The following BIRC6 variants were observed in gnomAD, a reference collection of about 807,000 sequenced individuals.
BIRC6 encodes dual E2 ubiquitin-conjugating enzyme/E3 ubiquitin-protein ligase BIRC6.
BIRC6 carries 98 observed loss-of-function variants against 503.3 expected under a neutral mutation model. The observed-to-expected ratio is 0.19, with a 90% confidence interval of 0.17 to 0.23. BIRC6 has a LOEUF of 0.23. Ranked by LOEUF, BIRC6 falls within the 10% of genes least tolerant of loss-of-function variation. The probability of loss-of-function intolerance (pLI) is 1.00; values close to 1 mark genes in which losing one functional copy is unlikely to be tolerated. For synonymous variants in BIRC6, 2,240 were observed against 2,078.7 expected (o/e 1.08, Z -2.11); for missense variants, 5,360 against 5,806.0 (o/e 0.92, Z 2.50).
chr2:32,485,257 T>C (rs2050867454), intron 39 of BIRC6, among the ~76,000 whole-genome samples: 1 of 152,218 alleles, frequency 6.6e-6, no homozygotes, highest in Admixed American at 6.5e-5. Context: ...GTCTATCTAT[T>C]CTGAATATGA....
chr2:32,508,158 T>C lies in BIRC6; in HGVS notation c.9879T>C (p.Leu3293=), dbSNP rs761537595. The C allele has an allele frequency of 1.2e-6, 2 of 1,613,728 alleles. No homozygotes were observed. The highest frequency in any genetic ancestry group is 1.7e-5 in the Admixed American group (1 of 59,976). ...CACGGGATGCCAGCACATTAGGCCT[T>C]TCACAAATTAAATTATTGGGGCTCA... ...HRPRDASTLG[L]SQIKLLGLTA... is the part of the protein sequence containing the mutation. The change falls in exon 51 of 74, where the codon CTT becomes CTC. Residue 3293 remains leucine, a synonymous_variant. Transcript: ENST00000421745.
rs746766006 is a variant in BIRC6 at position 32,482,548 on chromosome 2, C to G, written c.7662C>G (p.Asn2554Lys). The part of the protein sequence containing the change: ...VAKPPANTEK[N>K]GSQTVSVSVS... Reference sequence around the variant, plus strand: ...AGCCACCAGCAAACACGGAGAAGAACGGATCACAGACAGTTAGCGTTTCAG... The same window carrying G: ...AGCCACCAGCAAACACGGAGAAGAAGGGATCACAGACAGTTAGCGTTTCAG... The change falls in exon 39 of 74, where the codon AAC becomes AAG. Residue 2554 changes from asparagine (N) to lysine (K), a missense_variant. By Grantham distance (94) the Asn-to-Lys change is moderately conservative. Around this residue, in one of 16 missense-constraint regions of BIRC6, gnomAD observed 2,299 missense variants for 2,267.2 expected, o/e 1.01. Transcript: ENST00000421745. The G allele has an allele frequency of 6.2e-7, 1 of 1,613,894 alleles. No individual in the cohort carries two copies. Among genetic ancestry groups the G allele is most frequent in the Non-Finnish European group, 8.5e-7 (1 of 1,179,836 alleles).
rs1007476077 is a variant in BIRC6 at position 32,547,894 on chromosome 2, A to G, written c.12855A>G (p.Gln4285=). ...ATAACCCTACATCAACAGAAGAACA[A>G]CAGTTATATTGGGCCAAAGGGACTG... ...SSHNPTSTEE[Q]QLYWAKGTGF... The change falls in exon 64 of 74, where the codon CAA becomes CAG. Residue 4285 remains glutamine (Q), a synonymous_variant. Transcript: ENST00000421745. 1 of 1,611,542 alleles carries G rather than the reference A, an allele frequency of 6.2e-7. No individual in the cohort carries two copies. Among genetic ancestry groups the G allele is most frequent in the Non-Finnish European group, 8.5e-7 (1 of 1,179,100 alleles).
At chr2:32,458,137 C>T (rs113917926) in intron 23 of BIRC6, among the ~76,000 whole-genome samples, 11 of 151,982 alleles carry the variant, frequency 7.2e-5, no homozygotes, top group Non-Finnish European at 1.3e-4. Flanking sequence ...TGTATTTGTT[C>T]GAAGTCATCT....
At position 32,434,503 on chromosome 2, in the gene BIRC6, T is replaced by TG. The variant is rs947572680; in HGVS notation, c.3409+706dup. Among the ~76,000 whole-genome samples, 71 of 151,894 alleles carry TG rather than the reference T, an allele frequency of 4.7e-4. 1 individual carries two copies. The highest frequency in any genetic ancestry group is 1.5e-3 in the African/African-American group (64 of 41,430). On this transcript the variant is annotated intron_variant, in intron 13 of 73. Coordinates refer to ENST00000421745, the MANE Select transcript of BIRC6 (RefSeq NM_016252.4). ...AACCAATCGTGGATTGAAAATACTT[T>TG]GGGGGGGAAAAAATAAAAAAAATTA...
chr2:32,360,593 T>C (rs72867215), intron 1 of BIRC6, among the ~76,000 whole-genome samples: 1,827 of 152,336 alleles, frequency 0.012, 32 homozygotes, highest in African/African-American at 0.042. Context: ...TCCAGTCATT[T>C]AGCTAAGTCT....
intron 57 of BIRC6, 99 bp downstream of exon 57, chr2:32,519,045 A>G: frequency 4.3e-6 from 5 of 1,152,302 alleles, no homozygotes; most frequent in Non-Finnish European, 6.1e-6. Context: ...CCACTTTGCA[A>G]CCATTGATGA....
At chr2:32,448,996 AATAG>A in intron 22 of BIRC6, 68 bp downstream of exon 22, 1 of 1,447,958 alleles carries the variant, frequency 6.9e-7, no homozygotes, top group Non-Finnish European at 9.5e-7. Context: ...CATTTGACTT[AATAG>A]ATTATAGTCA....
intron 52 of BIRC6, 109 bp downstream of exon 52, chr2:32,510,103 GT>G: frequency 7.9e-7 from 1 of 1,265,434 alleles, no homozygotes; most frequent in Non-Finnish European, 1.1e-6. Flanking sequence ...TTTTCTTTTA[GT>G]TTATGTTTAT....
At chr2:32,562,496 T>C (rs1380181365) in intron 65 of BIRC6, among the ~76,000 whole-genome samples, 1 of 152,240 alleles carries the variant, frequency 6.6e-6, no homozygotes, top group African/African-American at 2.4e-5. Context: ...CTTTATGTTC[T>C]ACAGTTGTGT....
At chr2:32,431,402 G>C (rs2044107771) in intron 12 of BIRC6, among the ~76,000 whole-genome samples, 1 of 151,658 alleles carries the variant, frequency 6.6e-6, no homozygotes, top group Non-Finnish European at 1.5e-5. Context: ...CACTCTGTTG[G>C]CCATGCTGGT....
At chr2:32,493,247 TTTA>T (rs1007191644) in intron 44 of BIRC6, among the ~76,000 whole-genome samples, 3 of 152,048 alleles carry the variant, frequency 2.0e-5, no homozygotes, top group African/African-American at 7.2e-5. Flanking sequence ...TATAAAAGTA[TTTA>T]TTGTGTAATT....
chr2:32,389,354 G>A (rs1409001820), intron 4 of BIRC6, among the ~76,000 whole-genome samples: 1 of 150,002 alleles, frequency 6.7e-6, no homozygotes, highest in Admixed American at 6.7e-5. Context: ...GTGAGTATAA[G>A]GAAAGTGCTA....
At chr2:32,408,015 T>A (rs1215937102) in intron 9 of BIRC6, among the ~76,000 whole-genome samples, 1 of 152,050 alleles carries the variant, frequency 6.6e-6, no homozygotes, top group Non-Finnish European at 1.5e-5. Flanking sequence ...TTGCCCAGGC[T>A]GGAGTGCAGT....
chr2:32,566,371 T>C (rs918354513), intron 65 of BIRC6: 7 of 152,302 alleles, frequency 4.6e-5, no homozygotes, highest in Admixed American at 3.9e-4. Flanking sequence ...ATTTTTTAAA[T>C]TTTATACAGA....
Position 32,433,756 on chromosome 2 carries a change from C to A in BIRC6, c.3361C>A (p.Gln1121Lys), listed in dbSNP as rs771863643. 1.6e-5 allele frequency: 26 copies of A among 1,595,340 alleles called. No homozygotes were observed. Among genetic ancestry groups the A allele is most frequent in the Non-Finnish European group, 2.2e-5 (26 of 1,166,806 alleles). ...NSNITNIPQI[Q>K]VTLLKNKAPG... ...AAACATCACCAATATTCCACAGATA[C>A]AAGTGACACTGCTGAAAAATAAAGC... Residue 1121 changes from glutamine (Q) to lysine (K), a missense_variant, in exon 13 of 74, where the codon CAA (glutamine) becomes AAA (lysine). Physicochemically the swap from Gln to Lys is moderately conservative, Grantham distance 53 (BLOSUM62 1). Around this residue, in one of 16 missense-constraint regions of BIRC6, gnomAD observed 2,299 missense variants for 2,267.2 expected, o/e 1.01. Transcript: ENST00000421745.
chr2:32,494,671 G>T (rs2052213840), intron 45 of BIRC6, among the ~76,000 whole-genome samples: 1 of 152,066 alleles, frequency 6.6e-6, no homozygotes, highest in East Asian at 1.9e-4. Flanking sequence ...GGAGGCTGAG[G>T]CGGGAAGATC....
chr2:32,407,735 G>A lies in BIRC6; in HGVS notation c.1477+1178G>A, dbSNP rs532962546. On this transcript the variant is annotated intron_variant, in intron 9 of 73. Coordinates refer to ENST00000421745, the MANE Select transcript of BIRC6 (RefSeq NM_016252.4). ...TAAATGGAACACTGGACAATTTTGGGTTAATCTTTAGCAGTCTTTTGAAGC... is the reference window on the plus strand; with the variant it reads ...TAAATGGAACACTGGACAATTTTGGATTAATCTTTAGCAGTCTTTTGAAGC... 1.6e-4 allele frequency among the ~76,000 whole-genome samples: 24 copies of A among 152,024 alleles called. No homozygotes were observed. The South Asian group carries it at 2.1e-3, about 13-fold the overall frequency.
chr2:32,430,805 CTTTTTTT>C lies in BIRC6; in HGVS notation c.3023-45_3023-39del, dbSNP rs370529825. The C allele has an allele frequency of 5.4e-3, 2,610 of 484,654 alleles. 26 individuals are homozygous for C. The highest frequency in any genetic ancestry group is 0.044 in the African/African-American group (1,945 of 44,462). 30.0% of individuals were successfully genotyped at this position (484,654 alleles called of 1,614,324 possible). On this transcript the variant is annotated intron_variant, in intron 11 of 73. Transcript: ENST00000421745. Reference sequence around the variant, plus strand: ...AATTAAAACTTCACTTCATTGTCTTCTTTTTTTTTTTTTTTTTTTTTCCACACCTATT... The same window carrying C: ...AATTAAAACTTCACTTCATTGTCTTCTTTTTTTTTTTTTTCCACACCTATT...
Sources: allele counts gnomAD v4.1 joint callset (sites outside exome capture counted in the v4.1 genomes callset), GRCh38; gene constraint gnomAD v4.1.1; regional missense constraint gnomAD v4.1.1; transcripts MANE v1.5; gene names NCBI Gene and HGNC (gene_info 2026-07-23, HGNC 2026-07-21).